Variants in MCM9 observed in about 807,000 individuals in gnomAD.
The protein encoded by MCM9 is minichromosome maintenance 9 homologous recombination repair factor.
MCM9 carries 55 observed loss-of-function variants against 72.8 expected under a neutral mutation model. The ratio of observed to expected loss-of-function variants is 0.76; its 90% CI spans 0.61 to 0.95. The LOEUF is 0.95. Among genes scored for constraint, MCM9 ranks in the 40% least tolerant of loss-of-function variants. The probability of loss-of-function intolerance (pLI) is 0.00; values close to 1 mark genes in which losing one functional copy is unlikely to be tolerated. For synonymous variants in MCM9, 480 were observed against 503.4 expected, an observed-to-expected ratio of 0.95 and a Z score of 0.62; for missense variants, 1,279 against 1,377.0, an observed-to-expected ratio of 0.93 and a Z score of 1.13.
At chr6:118,873,025 AG>A (rs1777703930) in intron 8 of MCM9, among the ~76,000 whole-genome samples, 1 of 151,794 alleles carries the variant, frequency 6.6e-6, no homozygotes, top group Non-Finnish European at 1.5e-5. Flanking sequence ...TTTAAAAATT[AG>A]TCAGGTATGG....
chr6:118,926,438 ATGGG>A (rs1781900601), intron 3 of MCM9, among the ~76,000 whole-genome samples: 1 of 152,228 alleles, frequency 6.6e-6, no homozygotes, highest in African/African-American at 2.4e-5. Flanking sequence ...AGAATAATTT[ATGGG>A]TGCTCAAAGT....
chr6:118,921,902 A>G (rs1781461581), intron 5 of MCM9, 103 bp downstream of exon 5: 2 of 835,572 alleles, frequency 2.4e-6, no homozygotes, highest in Admixed American at 2.3e-5. Context: ...TTACAGCTCT[A>G]CATTTCCCTT....
intron 9 of MCM9, among the ~76,000 whole-genome samples, chr6:118,843,658 G>GTATATATATGTGTA (rs1775594581): frequency 4.6e-5 from 1 of 21,592 alleles, no homozygotes; most frequent in Non-Finnish European, 8.6e-5. Flanking sequence ...ATATATATGT[G>GTATATATATGTGTA]TATATATATA....
intron 8 of MCM9, among the ~76,000 whole-genome samples, chr6:118,909,669 G>A (rs1389774177): frequency 6.6e-6 from 1 of 152,168 alleles, no homozygotes; most frequent in Non-Finnish European, 1.5e-5. Flanking sequence ...GAGGTCTGAA[G>A]AAGTATGCAT....
chr6:118,925,307 C>T (rs1457314733), intron 3 of MCM9, among the ~76,000 whole-genome samples: 3 of 152,124 alleles, frequency 2.0e-5, no homozygotes, highest in Non-Finnish European at 4.4e-5. Context: ...CAGGTAGGTA[C>T]GCCTACTGAA....
At chr6:118,924,575 C>T (rs1781722234) in intron 3 of MCM9, among the ~76,000 whole-genome samples, 1 of 152,090 alleles carries the variant, frequency 6.6e-6, no homozygotes, top group South Asian at 2.1e-4. Flanking sequence ...GCATGACGAC[C>T]ACAGAGTTCC....
chr6:118,819,842 G>A (rs1357502441), intron 13 of MCM9, among the ~76,000 whole-genome samples: 1 of 152,146 alleles, frequency 6.6e-6, no homozygotes, highest in African/African-American at 2.4e-5. Flanking sequence ...TCCTGGTTTA[G>A]TCTTGGGAGG....
Position 118,850,885 on chromosome 6 carries a change from C to T in MCM9, c.1325+5486G>A, listed in dbSNP as rs1477381380. ...TGTTGCCCAGCCTGGAATGCAGTGGCGTGATCATAGCTCATTGCAGCCTTG... is the reference window on the plus strand; with the variant it reads ...TGTTGCCCAGCCTGGAATGCAGTGGTGTGATCATAGCTCATTGCAGCCTTG... On this transcript the variant is annotated intron_variant, in intron 9 of 13. Transcript: ENST00000619706. Among the ~76,000 whole-genome samples, 9 of 151,806 alleles carry T rather than the reference C, an allele frequency of 5.9e-5. 1 individual carries two copies. The highest frequency in any genetic ancestry group is 2.2e-4 in the African/African-American group (9 of 41,114).
intron 8 of MCM9, among the ~76,000 whole-genome samples, chr6:118,862,132 G>A (rs941326471): frequency 6.6e-6 from 1 of 152,250 alleles, no homozygotes; most frequent in Non-Finnish European, 1.5e-5. Context: ...AGTGGGGAAA[G>A]GCCAGGGAGC....
intron 9 of MCM9, among the ~76,000 whole-genome samples, chr6:118,856,009 T>C (rs1025087345): frequency 6.6e-6 from 1 of 152,218 alleles, no homozygotes; most frequent in Non-Finnish European, 1.5e-5. Context: ...TCTTTTTTCT[T>C]TTTGAACTTT....
chr6:118,894,928 G>A (rs1204636540), intron 8 of MCM9, among the ~76,000 whole-genome samples: 1 of 152,166 alleles, frequency 6.6e-6, no homozygotes, highest in East Asian at 1.9e-4. Flanking sequence ...GCGTGTGGTC[G>A]CGCCGGCGAG....
chr6:118,908,828 G>C (rs964350248), intron 8 of MCM9: 1 of 152,438 alleles, frequency 6.6e-6, no homozygotes, highest in Non-Finnish European at 1.5e-5. Context: ...ATATGATGCA[G>C]GTTATGCAGT....
chr6:118,922,118 T>C (rs1201442848), intron 4 of MCM9, 32 bp from the exon 5 acceptor site: 9 of 1,531,040 alleles, frequency 5.9e-6, no homozygotes, highest in East Asian at 2.3e-5. Flanking sequence ...ATTCTGAGTA[T>C]GCTTAAATAC....
At chr6:118,831,382 A>T (rs1327921149) in intron 9 of MCM9, among the ~76,000 whole-genome samples, 1 of 151,994 alleles carries the variant, frequency 6.6e-6, no homozygotes, top group African/African-American at 2.4e-5. Flanking sequence ...GGGAGAACTA[A>T]CAAAAATTTG....
chr6:118,895,987 G>A (rs972769772), intron 8 of MCM9, among the ~76,000 whole-genome samples: 1 of 150,936 alleles, frequency 6.6e-6, no homozygotes, highest in Admixed American at 6.6e-5. Flanking sequence ...TGTACTCAGT[G>A]CCTTGCCCTA....
intron 3 of MCM9, among the ~76,000 whole-genome samples, chr6:118,929,582 G>C (rs1176151318): frequency 6.6e-6 from 1 of 152,182 alleles, no homozygotes; most frequent in Non-Finnish European, 1.5e-5. Flanking sequence ...GTATGGAAAG[G>C]TATCTGAAAA....
intron 9 of MCM9, among the ~76,000 whole-genome samples, chr6:118,843,668 A>ATATATATACG (rs1562407098): frequency 3.6e-5 from 2 of 55,432 alleles, no homozygotes; most frequent in Admixed American, 2.3e-4. Context: ...GTATATATAT[A>ATATATATACG]TGTATGTATA....
chr6:118,893,845 C>G (rs1049622192), intron 8 of MCM9, among the ~76,000 whole-genome samples: 3 of 56,700 alleles, frequency 5.3e-5, no homozygotes, highest in Admixed American at 2.2e-4. Flanking sequence ...ACCAAAAAAA[C>G]AAAAAAAAAA....
intron 12 of MCM9, 52 bp from the exon 13 acceptor site, chr6:118,826,344 G>C (rs997465543): frequency 6.6e-7 from 1 of 1,525,042 alleles, no homozygotes. Flanking sequence ...CTGCATAGCG[G>C]TAAGTACACT....
Sources: gnomAD v4.1 joint callset for allele counts (sites outside exome capture counted in the v4.1 genomes callset) on GRCh38, gnomAD v4.1.1 for gene constraint, MANE v1.5 for transcripts, NCBI Gene and HGNC (gene_info 2026-07-23, HGNC 2026-07-21) for gene names.